Variants in LYAR observed in about 807,000 individuals in gnomAD.
The protein encoded by LYAR is cell growth-regulating nucleolar protein.
Under a neutral mutation model 45.2 loss-of-function variants are expected in LYAR, and 37 were observed. The ratio of observed to expected loss-of-function variants is 0.82; its 90% confidence interval spans 0.63 to 1.08. LYAR has a LOEUF of 1.08. Among genes scored for constraint, LYAR ranks in the 50% least tolerant of loss-of-function variants. LYAR has a pLI of 0.00. For synonymous variants in LYAR, 176 were observed against 155.1 expected (o/e 1.14, Z -1.00); for missense variants, 493 against 451.0 (o/e 1.09, Z -0.84).
Position 4,281,765 on chromosome 4 carries a change from G to A in LYAR, c.237+18C>T, listed in dbSNP as rs758622654. On this transcript the variant is annotated intron_variant, in intron 4 of 9. Coordinates refer to ENST00000343470, the MANE Select transcript of LYAR (RefSeq NM_017816.3). Reference sequence around the variant, plus strand: ...AAGCTGTCAGAGGAAGCTACTCAATGAGTTAGAGAGACGTTACCTGAATCC... The same window carrying A: ...AAGCTGTCAGAGGAAGCTACTCAATAAGTTAGAGAGACGTTACCTGAATCC... 1.3e-6 allele frequency: 2 copies of A among 1,574,494 alleles called. No individual in the cohort carries two copies.
rs1041000657 is a variant in LYAR at position 4,273,203 on chromosome 4, G to C, written c.919+380C>G. Among the ~76,000 whole-genome samples, 45 of 152,312 alleles carry C rather than the reference G, an allele frequency of 3.0e-4. 1 individual carries two copies. Among genetic ancestry groups the C allele is most frequent in the African/African-American group, 1.1e-3 (44 of 41,566 alleles). ...AAAGATAACATACATTTCCAAACCA[G>C]ACTGCTTTACTTTTCTCCTTAAAGA... On this transcript the variant is annotated intron_variant, in intron 8 of 9. Transcript: ENST00000343470.
At position 4,267,811 on chromosome 4, in the gene LYAR, A is replaced by T; in HGVS notation, c.*78T>A. ...CAAAAAGCAAAATTTGAGTTGTTAG[A>T]ATTCATTACACATTTTATAAACAGC... On this transcript the variant is annotated 3_prime_UTR_variant, in exon 10 of 10. Transcript: ENST00000343470. 2 of 1,224,064 alleles carry T rather than the reference A, an allele frequency of 1.6e-6. No homozygotes were observed. Among genetic ancestry groups the T allele is most frequent in the Non-Finnish European group, 2.2e-6 (2 of 926,488 alleles). The allele number at this position is 1,224,064 out of a possible 1,614,324, so 75.8% of individuals were successfully genotyped here.
At position 4,279,717 on chromosome 4, in the gene LYAR, G is replaced by A. The variant is rs767294372; in HGVS notation, c.270C>T (p.Val90=). The A allele has an allele frequency of 2.5e-6, 4 of 1,613,170 alleles. No homozygotes were observed. Among genetic ancestry groups the A allele is most frequent in the Non-Finnish European group, 3.4e-6 (4 of 1,179,474 alleles). The change falls in exon 5 of 10, where the codon GTC becomes GTT. Residue 90 remains valine (V), a synonymous_variant. Transcript: ENST00000343470. Reference sequence around the variant, plus strand: ...CTAAAAGTTCTCTCACTTTGGGGCTGACATTGGGTCTCTTTATTAATTCAC... The same window carrying A: ...CTAAAAGTTCTCTCACTTTGGGGCTAACATTGGGTCTCTTTATTAATTCAC... ...KISELIKRPN[V]SPKVRELLEQ... is the part of the protein sequence containing the mutation.
intron 3 of LYAR, among the ~76,000 whole-genome samples, chr4:4,282,899 G>A (rs1719456416): frequency 6.6e-6 from 1 of 152,148 alleles, no homozygotes; most frequent in African/African-American, 2.4e-5. Flanking sequence ...CCCACTGTGA[G>A]CTCATAAATT....
chr4:4,270,610 A>T (rs527586667), intron 8 of LYAR, among the ~76,000 whole-genome samples: 70 of 152,060 alleles, frequency 4.6e-4, no homozygotes, highest in African/African-American at 1.6e-3. Context: ...GGGGAAAAAA[A>T]TTTAAAAAAA....
chr4:4,269,793 C>T (rs75395970), intron 8 of LYAR, among the ~76,000 whole-genome samples: 1,964 of 152,310 alleles, frequency 0.013, 55 homozygotes, highest in African/African-American at 0.043. Context: ...AGGCATTTAA[C>T]ATAGACCTGA....
intron 1 of LYAR, among the ~76,000 whole-genome samples, chr4:4,288,267 C>T (rs1022890011): frequency 6.6e-6 from 1 of 150,436 alleles, no homozygotes; most frequent in African/African-American, 2.4e-5. Context: ...TGCTATTATA[C>T]CCAGCCCCCT....
chr4:4,275,092 G>C (rs941679601), intron 6 of LYAR, among the ~76,000 whole-genome samples: 1 of 152,200 alleles, frequency 6.6e-6, no homozygotes, highest in Non-Finnish European at 1.5e-5. Context: ...TAAGAGAAGA[G>C]TACTTAGGGG....
intron 8 of LYAR, among the ~76,000 whole-genome samples, chr4:4,273,080 G>T (rs1367237871): frequency 6.6e-6 from 1 of 152,228 alleles, no homozygotes; most frequent in Non-Finnish European, 1.5e-5. Flanking sequence ...CAGTTCAGGG[G>T]ACTTCTAAGA....
chr4:4,279,161 C>CCA (rs1719298891), intron 6 of LYAR, among the ~76,000 whole-genome samples: 1 of 117,658 alleles, frequency 8.5e-6, no homozygotes, highest in African/African-American at 3.5e-5. Flanking sequence ...TCTGTCTCTG[C>CCA]TAAAAAAAAA....
intron 2 of LYAR, 25 bp from the exon 3 acceptor site, chr4:4,283,820 T>C (rs1257049175): frequency 9.2e-7 from 1 of 1,086,896 alleles, no homozygotes; most frequent in East Asian, 2.5e-5. Context: ...ACAATTATAA[T>C]TATAAACTGA....
intron 8 of LYAR, among the ~76,000 whole-genome samples, chr4:4,271,418 G>C (rs181105885): frequency 3.9e-5 from 6 of 152,290 alleles, no homozygotes; most frequent in Admixed American, 6.5e-5. Context: ...TTCATCTGCT[G>C]CTGGACACAT....
chr4:4,281,707 ACT>A, intron 4 of LYAR, 74 bp downstream of exon 4: 1 of 1,052,272 alleles, frequency 9.5e-7, no homozygotes, highest in Non-Finnish European at 1.5e-6. Context: ...TGACACATTT[ACT>A]CTTAGTCTCT....
chr4:4,271,431 G>A (rs1718927788), intron 8 of LYAR, among the ~76,000 whole-genome samples: 1 of 152,148 alleles, frequency 6.6e-6, no homozygotes, highest in Non-Finnish European at 1.5e-5. Context: ...GGACACATAG[G>A]TTGCTCCAAT....
chr4:4,267,969 G>A lies in LYAR; in HGVS notation c.1060C>T (p.Leu354Phe), dbSNP rs1456969125. The change falls in exon 10 of 10, where the codon CTC (leucine) becomes TTC (phenylalanine). Residue 354 changes from leucine (L) to phenylalanine (F), a missense_variant. Physicochemically the swap from Leu to Phe is conservative, Grantham distance 22 (BLOSUM62 0). Coordinates refer to ENST00000343470, the MANE Select transcript of LYAR (RefSeq NM_017816.3). ...ATTTTCTTGTTAAAGATGACCAGGA[G>A]TTCCTCTTCGGATCTGTGATGCTCA... ...TDEHHRSEEELLVIFNKKISK... is the reference protein window; with the variant it reads ...TDEHHRSEEEFLVIFNKKISK... The A allele has an allele frequency of 5.0e-6, 8 of 1,612,700 alleles. No homozygotes were observed. Among genetic ancestry groups the A allele is most frequent in the Non-Finnish European group, 6.8e-6 (8 of 1,179,656 alleles).
At chr4:4,270,222 G>A (rs1718878878) in intron 8 of LYAR, among the ~76,000 whole-genome samples, 1 of 127,134 alleles carries the variant, frequency 7.9e-6, no homozygotes, top group African/African-American at 2.9e-5. Context: ...ATAAAATACA[G>A]TAACACATTA....
intron 6 of LYAR, among the ~76,000 whole-genome samples, chr4:4,275,419 T>C (rs1446889675): frequency 1.3e-5 from 2 of 148,466 alleles, no homozygotes; most frequent in South Asian, 2.2e-4. Context: ...ATTAGAAGAA[T>C]GGTCACCATT....
At chr4:4,274,313 T>G (rs1231670961) in intron 7 of LYAR, 54 bp downstream of exon 7, 2 of 1,561,366 alleles carry the variant, frequency 1.3e-6, no homozygotes, top group Non-Finnish European at 1.7e-6. Context: ...ATATCCCAAA[T>G]TCACAGCTTT....
chr4:4,281,749 G>A (rs753795020), intron 4 of LYAR, 34 bp downstream of exon 4: 2 of 1,478,394 alleles, frequency 1.4e-6, no homozygotes, highest in East Asian at 2.3e-5. Context: ...GAAGCTGTCA[G>A]AGGAAGCTAC....
Sources: allele counts gnomAD v4.1 joint callset (sites outside exome capture counted in the v4.1 genomes callset), GRCh38; gene constraint gnomAD v4.1.1; transcripts MANE v1.5; gene names NCBI Gene and HGNC (gene_info 2026-07-23, HGNC 2026-07-21).